The following PTPRS variants were observed in gnomAD, a reference collection of about 807,000 sequenced individuals.
PTPRS encodes the protein receptor-type tyrosine-protein phosphatase S.
Under a neutral mutation model 215.3 loss-of-function variants are expected in PTPRS, and 63 were observed. That is an observed-to-expected ratio of 0.29 (90% CI 0.24 to 0.36). The LOEUF (loss-of-function observed/expected upper bound fraction) is 0.36. Among genes scored for constraint, PTPRS ranks in the 10% least tolerant of loss-of-function variants. The pLI, the probability that PTPRS is intolerant of heterozygous loss-of-function variation, is 1.00. For synonymous variants in PTPRS, 1,404 were observed against 1,191.4 expected, an observed-to-expected ratio of 1.18 and a Z score of -3.68; for missense variants, 2,258 against 2,825.8, an observed-to-expected ratio of 0.80 and a Z score of 4.56.
At chr19:5,256,152 A>G (rs2045538697) in intron 8 of PTPRS, 33 bp from the exon 9 acceptor site, 3 of 1,504,038 alleles carry the variant, frequency 2.0e-6, no homozygotes, top group East Asian at 4.6e-5. Flanking sequence ...GATGCAGAAC[A>G]CAATGACATG....
At chr19:5,240,055 G>A in intron 12 of PTPRS, 144 bp downstream of exon 12, 1 of 998,608 alleles carries the variant, frequency 1.0e-6, no homozygotes, top group Non-Finnish European at 1.4e-6. Flanking sequence ...AAGGGACAGA[G>A]ACGCAGGAGA....
In PTPRS at chr19:5,308,416, A is replaced by G. The variant is rs1421080087; in HGVS notation, c.-94-22182T>C. On this transcript the variant is annotated intron_variant, in intron 1 of 37. Transcript: ENST00000262963. ...GCAAGGATTGTCTGCATCAGTCACTATAGTGTCCCCAGTCCCAGCATGGGG... is the reference window on the plus strand; with the variant it reads ...GCAAGGATTGTCTGCATCAGTCACTGTAGTGTCCCCAGTCCCAGCATGGGG... Among the ~76,000 whole-genome samples the G allele has an allele frequency of 2.0e-5, 3 of 152,152 alleles. No individual in the cohort carries two copies. The East Asian group carries it at 5.8e-4, about 29-fold the overall frequency.
chr19:5,334,004 G>C (rs1428496601), intron 1 of PTPRS, among the ~76,000 whole-genome samples: 1 of 146,180 alleles, frequency 6.8e-6, no homozygotes, highest in African/African-American at 2.6e-5. Flanking sequence ...GGGCCCACCA[G>C]GGGCTCTGGA....
intron 1 of PTPRS, among the ~76,000 whole-genome samples, chr19:5,314,005 CGT>C (rs1251882241): frequency 2.6e-5 from 4 of 151,762 alleles, no homozygotes; most frequent in Admixed American, 2.0e-4. Context: ...GGCATGGTGG[CGT>C]GTGTCTGTAG....
rs2048343066 is a variant in PTPRS at position 5,286,269 on chromosome 19, G to A, written c.-94-35C>T. 3.8e-6 allele frequency: 4 copies of A among 1,041,484 alleles called. No homozygotes were observed. The South Asian group carries it at 5.6e-5, about 15-fold the overall frequency. 64.5% of individuals were successfully genotyped at this position (1,041,484 alleles called of 1,614,324 possible). ...CAATGGAGGGCTGTGAGAGGCGAGT[G>A]GGGAAATCCAGGAGACCTTCATGGA... On this transcript the variant is annotated intron_variant, in intron 1 of 37. Transcript: ENST00000262963.
At chr19:5,211,894 G>T in intron 32 of PTPRS, 71 bp downstream of exon 32, 1 of 1,556,010 alleles carries the variant, frequency 6.4e-7, no homozygotes, top group Non-Finnish European at 8.7e-7. Context: ...CATTGCTCGA[G>T]GCGGGCCTGA....
chr19:5,233,923 G>C (rs529539844), intron 13 of PTPRS, among the ~76,000 whole-genome samples: 1 of 113,030 alleles, frequency 8.8e-6, no homozygotes. Context: ...TCCAGCCTGG[G>C]CAACAGGGCA....
At chr19:5,240,364 G>A (rs375977963) in intron 11 of PTPRS, 32 bp from the exon 12 acceptor site, 97 of 1,551,930 alleles carry the variant, frequency 6.3e-5, no homozygotes, top group Admixed American at 1.3e-4. Context: ...ACTAGGAGTC[G>A]GGGAGCGTCC....
rs199589342 is a variant in PTPRS at position 5,210,446 on chromosome 19, C to A, written c.5487+23G>T. The A allele has an allele frequency of 1.7e-5, 28 of 1,613,968 alleles. No individual in the cohort carries two copies. In the Admixed American group the frequency reaches 2.2e-4, roughly 12 times the overall value. ...AGATCACTAAGGCTCCAGCCCCTCC[C>A]GCCAGTCTGTCTCTTCACTCACCCG... On this transcript the variant is annotated intron_variant, in intron 35 of 37. Transcript: ENST00000262963. This position sits in a 1 kb window ranked among gnomAD's most constrained non-coding sequence, Gnocchi z 4.5.
At chr19:5,300,601 T>C (rs1376732019) in intron 1 of PTPRS, among the ~76,000 whole-genome samples, 2 of 151,704 alleles carry the variant, frequency 1.3e-5, no homozygotes, top group East Asian at 3.9e-4. Flanking sequence ...TGAGACCCCA[T>C]CTCACCAAAA....
chr19:5,262,554 A>G (rs2046084303), intron 6 of PTPRS, among the ~76,000 whole-genome samples: 1 of 152,204 alleles, frequency 6.6e-6, no homozygotes, highest in Admixed American at 6.5e-5. Flanking sequence ...CCCAGCCCCC[A>G]AACTTCTGTA....
intron 1 of PTPRS, among the ~76,000 whole-genome samples, chr19:5,311,994 C>T (rs566496452): frequency 5.9e-5 from 9 of 151,330 alleles, no homozygotes; most frequent in Middle Eastern, 6.8e-3. Flanking sequence ...GAGCCGAGAT[C>T]GTGCGCCACT....
Position 5,206,392 on chromosome 19 carries a change from C to G in PTPRS, c.*382G>C, listed in dbSNP as rs1035372905. On this transcript the variant is annotated 3_prime_UTR_variant, in exon 38 of 38. Coordinates refer to ENST00000262963, the MANE Select transcript of PTPRS (RefSeq NM_002850.4). Reference sequence around the variant, plus strand: ...GGCTGCAGAGCGGGGAGGAGCCCCCCGGGTCCCCCTACCACCGCTGGGGGA... The same window carrying G: ...GGCTGCAGAGCGGGGAGGAGCCCCCGGGGTCCCCCTACCACCGCTGGGGGA... 29 of 255,526 alleles carry G rather than the reference C, an allele frequency of 1.1e-4. No homozygotes were observed. Among genetic ancestry groups the G allele is most frequent in the African/African-American group, 6.2e-4 (28 of 45,374 alleles). The allele number at this position is 255,526 out of a possible 1,614,324, so 15.8% of individuals were successfully genotyped here.
chr19:5,216,362 C>T (rs2041452840), intron 26 of PTPRS, among the ~76,000 whole-genome samples: 1 of 152,158 alleles, frequency 6.6e-6, no homozygotes, highest in South Asian at 2.1e-4. Flanking sequence ...GTTTCCAGAC[C>T]AGCTGGTAAC....
chr19:5,297,619 C>T (rs2049175025), intron 1 of PTPRS, among the ~76,000 whole-genome samples: 1 of 152,108 alleles, frequency 6.6e-6, no homozygotes, highest in Non-Finnish European at 1.5e-5. Context: ...GCTGCAAAAA[C>T]TGGGGGGTCC....
At chr19:5,247,019 T>C (rs748399445) in intron 9 of PTPRS, among the ~76,000 whole-genome samples, 5 of 149,146 alleles carry the variant, frequency 3.4e-5, no homozygotes, top group Non-Finnish European at 7.4e-5. Flanking sequence ...AGGAGACGAA[T>C]GAATGGGGAG....
intron 1 of PTPRS, among the ~76,000 whole-genome samples, chr19:5,312,688 A>AAAATG (rs2049745009): frequency 6.6e-6 from 1 of 152,090 alleles, no homozygotes; most frequent in African/African-American, 2.4e-5. Context: ...AAAATAAAAT[A>AAAATG]ATAGCAATAG....
At chr19:5,250,664 T>TGGGGGGGGGGGGGGGGGGGGGGGGGGG (rs1216689691) in intron 9 of PTPRS, among the ~76,000 whole-genome samples, 2 of 9,620 alleles carry the variant, frequency 2.1e-4, no homozygotes, top group Non-Finnish European at 4.1e-4. Context: ...GGCGGTGGGG[T>TGGGGGGGGGGGGGGGGGGGGGGGGGGG]GGGGGGGTGG....
Position 5,243,986 on chromosome 19 carries a change from C to T in PTPRS, c.1485G>A (p.Glu495=), listed in dbSNP as rs1354423577. ...LTTVGSLLED[E]TYTVRVLAFT... is the part of the protein sequence containing the mutation. ...AGGCGAGCACCCGCACGGTGTAGGT[C>T]TCGTCCTCCAGCAGGCTGCCCACGG... The change falls in exon 11 of 38, where the codon GAG becomes GAA. Residue 495 remains glutamate (E), a synonymous_variant. Transcript: ENST00000262963. 4 of 1,603,812 alleles carry T rather than the reference C, an allele frequency of 2.5e-6. No homozygotes were observed. The highest frequency in any genetic ancestry group is 3.4e-6 in the Non-Finnish European group (4 of 1,179,820).
Sources: allele counts gnomAD v4.1 joint callset (sites outside exome capture counted in the v4.1 genomes callset), GRCh38; gene constraint gnomAD v4.1.1; non-coding constraint Gnocchi (gnomAD v3.1); transcripts MANE v1.5; gene names NCBI Gene and HGNC (gene_info 2026-07-23, HGNC 2026-07-21).